The following NDE1 variants were observed in gnomAD, a reference collection of about 807,000 sequenced individuals.
NDE1 encodes the protein nudE neurodevelopment protein 1.
A neutral mutation model predicts 43.4 loss-of-function variants in NDE1; 28 were observed. The observed-to-expected ratio is 0.65, with a 90% CI of 0.48 to 0.89. The LOEUF is 0.89. Ranked by LOEUF, NDE1 falls within the 40% of genes least tolerant of loss-of-function variation. NDE1 has a pLI of 0.00. For missense variants in NDE1, 441 were observed against 434.1 expected, an observed-to-expected ratio of 1.02 and a Z score of -0.14; for synonymous variants, 184 against 172.0, an observed-to-expected ratio of 1.07 and a Z score of -0.55.
In NDE1 at chr16:15,659,755, T is replaced by C. The variant is rs564916451; in HGVS notation, c.-43-4981T>C. Among the ~76,000 whole-genome samples, 10 of 145,314 alleles carry C rather than the reference T, an allele frequency of 6.9e-5. No individual in the cohort carries two copies. In the East Asian group the frequency reaches 1.8e-3, roughly 27 times the overall value. ...CCCGGCCTTGGACACAATCTTTTTT[T>C]TTTTTTTTTTTGAGACGGAGTCTCG... On this transcript the variant is annotated intron_variant, in intron 1 of 8. Coordinates refer to ENST00000396354, the MANE Select transcript of NDE1 (RefSeq NM_017668.3).
intron 4 of NDE1, 132 bp downstream of exon 4, chr16:15,678,081 G>T: frequency 8.8e-7 from 1 of 1,142,148 alleles, no homozygotes; most frequent in Non-Finnish European, 1.3e-6. Context: ...TGCCCTTCTG[G>T]ATTTTAGTGC....
chr16:15,667,194 C>A, intron 2 of NDE1, 92 bp from the exon 3 acceptor site: 2 of 1,427,028 alleles, frequency 1.4e-6, no homozygotes, highest in Non-Finnish European at 2.0e-6. Context: ...TGCAGTGAGA[C>A]GAGATTGCAG....
chr16:15,715,690 C>A (rs1410479617), intron 8 of NDE1, among the ~76,000 whole-genome samples: 1 of 152,078 alleles, frequency 6.6e-6, no homozygotes, highest in African/African-American at 2.4e-5. Flanking sequence ...AGTGGTGCTC[C>A]AATGCCTGCT....
intron 8 of NDE1, chr16:15,714,190 A>AAGC (rs1220226821): frequency 6.5e-6 from 1 of 153,184 alleles, no homozygotes; most frequent in African/African-American, 2.4e-5. Context: ...AGGGTGGTGG[A>AAGC]AGCAGCCCTT....
chr16:15,721,657 G>A (rs758890509), intron 8 of NDE1: 1 of 1,613,188 alleles, frequency 6.2e-7, no homozygotes, highest in South Asian at 1.1e-5. Flanking sequence ...ACCCAGAGGT[G>A]ACTTCTAGGC....
intron 8 of NDE1, among the ~76,000 whole-genome samples, chr16:15,710,537 GAA>G (rs1306332404): frequency 1.4e-5 from 2 of 145,284 alleles, no homozygotes. Flanking sequence ...ATAATAAAAA[GAA>G]AAGAAATCAC....
chr16:15,649,789 T>G (rs2036408445), upstream of NDE1, among the ~76,000 whole-genome samples: 1 of 152,218 alleles, frequency 6.6e-6, no homozygotes, highest in African/African-American at 2.4e-5. Context: ...TGCTGAAGAT[T>G]CTACTTTTGG....
chr16:15,666,628 A>T (rs998729989), intron 2 of NDE1, among the ~76,000 whole-genome samples: 2 of 152,064 alleles, frequency 1.3e-5, no homozygotes, highest in African/African-American at 4.8e-5. Flanking sequence ...AATAAAAATT[A>T]TTTTAGAGTC....
At chr16:15,680,358 G>C (rs2038113010) in intron 4 of NDE1, among the ~76,000 whole-genome samples, 1 of 152,150 alleles carries the variant, frequency 6.6e-6, no homozygotes, top group South Asian at 2.1e-4. Flanking sequence ...TAAAGATGCA[G>C]ACTTCACCCA....
At chr16:15,707,959 C>CAAAA (rs59081092) in intron 8 of NDE1, among the ~76,000 whole-genome samples, 1 of 115,950 alleles carries the variant, frequency 8.6e-6, no homozygotes, top group Non-Finnish European at 1.8e-5. Flanking sequence ...GACTCCGTCT[C>CAAAA]AAAAAAAAAA....
chr16:15,724,840 A>G lies in NDE1; in HGVS notation c.*589A>G, dbSNP rs1213217671. 1 of 1,613,754 alleles carries G rather than the reference A, an allele frequency of 6.2e-7. No homozygotes were observed. The highest frequency in any genetic ancestry group is 2.2e-5 in the East Asian group (1 of 44,864). ...AAAGAGGTCCCAGGGACCTGCCCCG[A>G]GGAAGGCCACCCCCCAGGTCCCCTG... On this transcript the variant is annotated 3_prime_UTR_variant, in exon 9 of 9. Coordinates refer to ENST00000396354, the MANE Select transcript of NDE1 (RefSeq NM_017668.3).
intron 8 of NDE1, among the ~76,000 whole-genome samples, chr16:15,709,581 C>T (rs2151175984): frequency 6.6e-6 from 1 of 152,298 alleles, no homozygotes; most frequent in East Asian, 1.9e-4. Context: ...TCCCAAAGAG[C>T]TGGGATTACA....
chr16:15,712,882 G>GTTTTTTTGTTGTTTTTTTTTTTTTTTTTT (rs2039888303), intron 8 of NDE1: 1 of 90,636 alleles, frequency 1.1e-5, no homozygotes, highest in Non-Finnish European at 2.3e-5. Flanking sequence ...TTCACATACA[G>GTTTTTTTGTTGTTTTTTTTTTTTTTTTTT]TTTTTTTTTT....
intron 5 of NDE1, among the ~76,000 whole-genome samples, chr16:15,689,665 C>T (rs961862471): frequency 7.9e-5 from 12 of 152,080 alleles, no homozygotes; most frequent in African/African-American, 2.4e-4. Flanking sequence ...AACAGCTGGG[C>T]GCAGTGGCTC....
At chr16:15,717,194 G>T in intron 8 of NDE1, 2 of 1,614,176 alleles carry the variant, frequency 1.2e-6, no homozygotes, top group Admixed American at 1.7e-5. Context: ...CTCCAGCGCC[G>T]CGATGGTGGA....
At chr16:15,689,424 C>G (rs1372528747) in intron 5 of NDE1, among the ~76,000 whole-genome samples, 1 of 152,028 alleles carries the variant, frequency 6.6e-6, no homozygotes, top group African/African-American at 2.4e-5. Flanking sequence ...CCCAGGAGTT[C>G]AAGGTTACAT....
At chr16:15,644,737 CAAAT>C in intron 1 of NDE1, among the ~76,000 whole-genome samples, 1 of 152,068 alleles carries the variant, frequency 6.6e-6, no homozygotes, top group Non-Finnish European at 1.5e-5. Context: ...AAGTACCAAA[CAAAT>C]ACGCTACTCT....
chr16:15,653,710 A>G (rs2151395802), intron 1 of NDE1, among the ~76,000 whole-genome samples: 2 of 151,776 alleles, frequency 1.3e-5, no homozygotes, highest in Middle Eastern at 3.4e-3. Context: ...AACATGCAAA[A>G]AAAAAAAAAG....
intron 8 of NDE1, chr16:15,720,834 C>G: frequency 6.2e-7 from 1 of 1,613,136 alleles, no homozygotes; most frequent in Non-Finnish European, 8.5e-7. Context: ...CCCGGCAGCA[C>G]GCACCTGTCT....
Sources: gnomAD v4.1 joint callset for allele counts (sites outside exome capture counted in the v4.1 genomes callset) on GRCh38, gnomAD v4.1.1 for gene constraint, MANE v1.5 for transcripts, NCBI Gene and HGNC (gene_info 2026-07-23, HGNC 2026-07-21) for gene names.